Variants in STAB2 observed in about 807,000 individuals in gnomAD.
STAB2 encodes stabilin 2, also known as stabilin-2.
In STAB2, 288 loss-of-function variants were observed where a neutral mutation model predicts 338.1. The observed-to-expected ratio is 0.85, with a 90% CI of 0.77 to 0.94. The LOEUF (loss-of-function observed/expected upper bound fraction) is 0.94, where lower values mean the gene tolerates loss of function less well. Among genes scored for constraint, STAB2 ranks in the 40% least tolerant of loss-of-function variants. STAB2 has a pLI of 0.00. For missense variants in STAB2, 3,141 were observed against 3,210.1 expected (o/e 0.98, Z 0.52); for synonymous variants, 1,202 against 1,193.3 (o/e 1.01, Z -0.15).
Position 103,690,496 on chromosome 12 carries a change from A to G in STAB2, c.3255A>G (p.Thr1085=), listed in dbSNP as rs757136712. The G allele has an allele frequency of 6.2e-7, 1 of 1,614,028 alleles. No homozygotes were observed. The highest frequency in any genetic ancestry group is 8.5e-7 in the Non-Finnish European group (1 of 1,179,972). ...TGTCTTCTTCTGACATGTTGGCAAC[A>G]TCTTTGCAGGGCAACTTCCTTCACT... is the stretch of plus-strand genomic sequence containing the variant. The part of the protein sequence containing the change: ...QTLSSSDMLA[T]SLQGNFLHLA... The change falls in exon 30 of 69, where the codon ACA becomes ACG. Residue 1085 remains threonine, a synonymous_variant. Coordinates refer to ENST00000388887, the MANE Select transcript of STAB2 (RefSeq NM_017564.10).
intron 3 of STAB2, among the ~76,000 whole-genome samples, chr12:103,599,643 C>A (rs1956926411): frequency 6.6e-6 from 1 of 152,208 alleles, no homozygotes. Context: ...AAACAATATT[C>A]ATTGCCTATC....
chr12:103,634,496 ACACT>A (rs1957512985), intron 6 of STAB2, among the ~76,000 whole-genome samples: 2 of 152,280 alleles, frequency 1.3e-5, no homozygotes, highest in African/African-American at 4.8e-5. Flanking sequence ...AGTGTCCAAC[ACACT>A]CACATATCTT....
intron 52 of STAB2, 77 bp downstream of exon 52, chr12:103,735,657 C>T (rs555257867): frequency 2.6e-5 from 30 of 1,160,444 alleles, no homozygotes; most frequent in African/African-American, 6.1e-5. Flanking sequence ...ACTGCCCCTT[C>T]AAGGAGATGT....
rs563086161 is a variant in STAB2, at chr12:103,608,477, A to T, written c.332-11991A>T. 2.0e-5 allele frequency among the ~76,000 whole-genome samples: 3 copies of T among 152,316 alleles called. No individual in the cohort carries two copies. The East Asian group carries it at 5.8e-4, about 29-fold the overall frequency. On this transcript the variant is annotated intron_variant, in intron 3 of 68. Transcript: ENST00000388887. The stretch of plus-strand genomic sequence containing the variant: ...ATTTTTTCATGTGTCTTTTGGCTGC[A>T]TAAATGTCTTCTTTTGAGGAGTGTC...
intron 67 of STAB2, 113 bp from the exon 68 acceptor site, chr12:103,763,379 T>C (rs1293730141): frequency 6.3e-6 from 5 of 793,018 alleles, no homozygotes; most frequent in Non-Finnish European, 8.4e-6. Flanking sequence ...AAAGTACTGT[T>C]AAAAAAGGAA....
At chr12:103,593,789 A>T (rs1483727654) in intron 2 of STAB2, among the ~76,000 whole-genome samples, 1 of 152,220 alleles carries the variant, frequency 6.6e-6, no homozygotes, top group African/African-American at 2.4e-5. Flanking sequence ...GCCTGCAGAG[A>T]TCCCTTTAAA....
chr12:103,662,853 T>C lies in STAB2; in HGVS notation c.1877T>C (p.Ile626Thr). 6.2e-7 allele frequency: 1 copy of C among 1,614,150 alleles called. No individual in the cohort carries two copies. The highest frequency in any genetic ancestry group is 8.5e-7 in the Non-Finnish European group (1 of 1,180,006). Reference protein sequence around the residue: ...IQFNTTDNGQILANDVAMEEI... With the variant: ...IQFNTTDNGQTLANDVAMEEI... ...GTCATTTTTTCTTTCCAGGGACAGA[T>C]TCTGGCAAATGATGTGGCAATGGAA... Residue 626 changes from isoleucine to threonine, a missense_variant, in exon 18 of 69, where the codon ATT becomes ACT. By Grantham distance (89) the Ile-to-Thr change is moderately conservative. Coordinates refer to ENST00000388887, the MANE Select transcript of STAB2 (RefSeq NM_017564.10).
At chr12:103,652,512 A>C in intron 11 of STAB2, 44 bp from the exon 12 acceptor site, 1 of 1,516,208 alleles carries the variant, frequency 6.6e-7, no homozygotes, top group Non-Finnish European at 8.8e-7. Flanking sequence ...TACAAAACTC[A>C]TTTTCTTCTT....
intron 38 of STAB2, among the ~76,000 whole-genome samples, chr12:103,708,121 C>T (rs1169461494): frequency 6.6e-6 from 1 of 152,132 alleles, no homozygotes; most frequent in African/African-American, 2.4e-5. Flanking sequence ...ATCAAAGGAG[C>T]CCTGCATAAC....
chr12:103,656,677 A>ATTT (rs62855260), intron 15 of STAB2, among the ~76,000 whole-genome samples: 2,563 of 118,972 alleles, frequency 0.022, 106 homozygotes, highest in African/African-American at 0.071. Context: ...AAAACTTAGG[A>ATTT]TTTTTTTTTT....
In STAB2 at chr12:103,693,997, A is replaced by C. The variant is rs35448404; in HGVS notation, c.3375+1108A>C. 9.2e-4 allele frequency among the ~76,000 whole-genome samples: 140 copies of C among 152,178 alleles called. 1 individual carries two copies. The highest frequency in any genetic ancestry group is 1.5e-3 in the Non-Finnish European group (105 of 68,008). ...GAAGCCCCCTCTCTACTAAAAAAAA[A>C]AAAAAAGTACAAGATGGCTGTTAAT... is the stretch of plus-strand genomic sequence containing the variant. On this transcript the variant is annotated intron_variant, in intron 31 of 68. Transcript: ENST00000388887.
chr12:103,722,266 G>C (rs1316277160), intron 44 of STAB2, among the ~76,000 whole-genome samples: 1 of 152,202 alleles, frequency 6.6e-6, no homozygotes, highest in East Asian at 1.9e-4. Context: ...CAATGTGGAA[G>C]GAAAACCACT....
chr12:103,649,023 G>C (rs574063738), intron 10 of STAB2, among the ~76,000 whole-genome samples, 200 bp downstream of exon 10: 1 of 152,310 alleles, frequency 6.6e-6, no homozygotes, highest in East Asian at 1.9e-4. Context: ...AAGAGATCTA[G>C]CAATGCAAGA....
In STAB2 at chr12:103,728,923, T is replaced by C; in HGVS notation, c.5010T>C (p.Leu1670=). 1 of 1,614,006 alleles carries C rather than the reference T, an allele frequency of 6.2e-7. No individual in the cohort carries two copies. Among genetic ancestry groups the C allele is most frequent in the African/African-American group, 1.3e-5 (1 of 75,042 alleles). The change falls in exon 48 of 69, where the codon CTT becomes CTC. Residue 1670 remains leucine, a synonymous_variant. Transcript: ENST00000388887. The part of the protein sequence containing the change: ...RYHVVACHQL[L]LENLKLISNA... ...ATGTGGTCGCCTGCCACCAGCTGCTTCTGGAAAACCTGAAATTGATCTCAA... is the reference window on the plus strand; with the variant it reads ...ATGTGGTCGCCTGCCACCAGCTGCTCCTGGAAAACCTGAAATTGATCTCAA...
intron 1 of STAB2, among the ~76,000 whole-genome samples, chr12:103,589,295 T>C (rs2138520044): frequency 6.6e-6 from 1 of 152,260 alleles, no homozygotes; most frequent in African/African-American, 2.4e-5. Flanking sequence ...TACAGAAGCA[T>C]GAGACACAAT....
At chr12:103,731,107 C>G (rs566819055) in intron 49 of STAB2, among the ~76,000 whole-genome samples, 1 of 152,166 alleles carries the variant, frequency 6.6e-6, no homozygotes, top group South Asian at 2.1e-4. Context: ...AGGGTGAACA[C>G]CTAACCTGAT....
intron 3 of STAB2, among the ~76,000 whole-genome samples, chr12:103,611,588 A>G (rs1957123712): frequency 1.3e-5 from 2 of 152,104 alleles, no homozygotes; most frequent in South Asian, 2.1e-4. Context: ...GTGTCTCTGC[A>G]TGTGAGATGG....
In STAB2 at chr12:103,692,998, A is replaced by G. The variant is rs142421011; in HGVS notation, c.3375+109A>G. ...TAGAAAAATACTTAGCCTTATATGG[A>G]AGTAACCGGTACTGTGCCTCATGAC... On this transcript the variant is annotated intron_variant, in intron 31 of 68. Transcript: ENST00000388887. The G allele has an allele frequency of 5.4e-4, 412 of 767,050 alleles. 2 individuals are homozygous for G. The East Asian group carries it at 9.6e-3, about 18-fold the overall frequency. The allele number at this position is 767,050 out of a possible 1,614,324, so 47.5% of individuals were successfully genotyped here.
intron 6 of STAB2, among the ~76,000 whole-genome samples, chr12:103,632,969 C>G (rs1957487796): frequency 6.6e-6 from 1 of 152,232 alleles, no homozygotes; most frequent in South Asian, 2.1e-4. Flanking sequence ...CAAATGCAAA[C>G]TCATTTTATT....
Sources: gnomAD v4.1 joint callset for allele counts (sites outside exome capture counted in the v4.1 genomes callset) on GRCh38, gnomAD v4.1.1 for gene constraint, MANE v1.5 for transcripts, NCBI Gene and HGNC (gene_info 2026-07-23, HGNC 2026-07-21) for gene names.